AUTS2: variants seen among roughly 807,000 people sequenced by gnomAD.
The protein encoded by AUTS2 is autism susceptibility gene 2 protein.
AUTS2 carries 17 observed loss-of-function variants against 112.4 expected under a neutral mutation model. The ratio of observed to expected loss-of-function variants is 0.15; its 90% confidence interval spans 0.10 to 0.23. The LOEUF is 0.23. AUTS2 is among the 10% of genes least tolerant of loss of function. AUTS2 has a pLI of 1.00. For missense variants in AUTS2, 1,510 were observed against 1,701.6 expected (o/e 0.89, Z 1.98); for synonymous variants, 751 against 702.7 (o/e 1.07, Z -1.09).
At chr7:70,248,606 G>A (rs1235391107) in intron 4 of AUTS2, among the ~76,000 whole-genome samples, 1 of 151,902 alleles carries the variant, frequency 6.6e-6, no homozygotes, top group African/African-American at 2.4e-5. Flanking sequence ...AATTTATTTT[G>A]TGCATTCTAT....
intron 4 of AUTS2, among the ~76,000 whole-genome samples, chr7:70,379,586 G>A (rs773565810): frequency 3.3e-5 from 5 of 152,096 alleles, no homozygotes; most frequent in Middle Eastern, 3.2e-3. Flanking sequence ...CATTCTGTGT[G>A]TGTAGGTTCT....
intron 4 of AUTS2, among the ~76,000 whole-genome samples, chr7:70,425,390 G>A (rs1239653951): frequency 6.6e-6 from 1 of 152,206 alleles, no homozygotes; most frequent in Non-Finnish European, 1.5e-5. Context: ...CAGACTGGCT[G>A]TTCCTGCTGG....
intron 5 of AUTS2, among the ~76,000 whole-genome samples, chr7:70,560,475 G>A (rs919504907): frequency 1.3e-5 from 2 of 152,194 alleles, no homozygotes; most frequent in African/African-American, 2.4e-5. Flanking sequence ...TGGGCTGGAA[G>A]CAAATGTTGG....
chr7:70,095,409 A>G (rs906095247), intron 2 of AUTS2, among the ~76,000 whole-genome samples: 6 of 152,196 alleles, frequency 3.9e-5, no homozygotes, highest in African/African-American at 1.4e-4. Context: ...TTTTCTTCAC[A>G]TTCAGAATCA....
At chr7:69,799,069 A>G (rs925644772) in intron 1 of AUTS2, among the ~76,000 whole-genome samples, 7 of 152,116 alleles carry the variant, frequency 4.6e-5, no homozygotes, top group Admixed American at 4.6e-4. Context: ...ATATGTAAGT[A>G]TGGTATTTTT....
At chr7:70,444,664 G>C (rs947351511) in intron 5 of AUTS2, among the ~76,000 whole-genome samples, 1 of 152,116 alleles carries the variant, frequency 6.6e-6, no homozygotes, top group African/African-American at 2.4e-5. Flanking sequence ...TCCATGAGGA[G>C]CATGTTGAGA....
In AUTS2 at chr7:70,763,278, C is replaced by T. The variant is rs761651745; in HGVS notation, c.1151C>T (p.Ala384Val). ...NLPPVQAHPS[A>V]QSLSQPLSAY... ...CCACCTGTGCAGGCCCACCCCTCTGCTCAGAGCCTCTCCCAGCCATTGTCA... is the reference window on the plus strand; with the variant it reads ...CCACCTGTGCAGGCCCACCCCTCTGTTCAGAGCCTCTCCCAGCCATTGTCA... Residue 384 changes from alanine (A) to valine (V), a missense_variant, in exon 7 of 19, where the codon GCT becomes GTT. Physicochemically the swap from Ala to Val is moderately conservative, Grantham distance 64. This residue lies in a region of AUTS2 where 535 missense variants were observed against 594.3 expected (regional missense o/e 0.90). Transcript: ENST00000342771. 1 of 1,609,700 alleles carries T rather than the reference C, an allele frequency of 6.2e-7. No homozygotes were observed. The highest frequency in any genetic ancestry group is 1.1e-5 in the South Asian group (1 of 90,534).
intron 2 of AUTS2, among the ~76,000 whole-genome samples, chr7:69,982,376 T>A (rs1798330994): frequency 6.6e-6 from 1 of 152,150 alleles, no homozygotes; most frequent in Non-Finnish European, 1.5e-5. Flanking sequence ...TGGTGTAGAA[T>A]TTGTCTAAGA....
intron 4 of AUTS2, among the ~76,000 whole-genome samples, chr7:70,355,654 G>C (rs1004603766): frequency 1.3e-5 from 2 of 152,174 alleles, no homozygotes; most frequent in African/African-American, 4.8e-5. Context: ...CTGCCAGTGA[G>C]AGCAGAGTGT....
At chr7:69,829,331 G>T (rs879775287) in intron 1 of AUTS2, among the ~76,000 whole-genome samples, 9 of 152,056 alleles carry the variant, frequency 5.9e-5, no homozygotes, top group Non-Finnish European at 1.2e-4. Context: ...CATAGGCATG[G>T]GGCAAAGATT....
chr7:70,360,814 A>G (rs1016604386), intron 4 of AUTS2, among the ~76,000 whole-genome samples: 6 of 152,154 alleles, frequency 3.9e-5, no homozygotes, highest in African/African-American at 1.4e-4. Flanking sequence ...ACTCATTGTC[A>G]CATTCTACCC....
At chr7:70,394,002 C>T (rs1408800296) in intron 4 of AUTS2, among the ~76,000 whole-genome samples, 1 of 152,178 alleles carries the variant, frequency 6.6e-6, no homozygotes, top group Non-Finnish European at 1.5e-5. Flanking sequence ...GCTTCTACAG[C>T]TACCTCTTTT....
At chr7:70,788,902 G>T (rs1191142567) in intron 18 of AUTS2, among the ~76,000 whole-genome samples, 1 of 152,126 alleles carries the variant, frequency 6.6e-6, no homozygotes, top group Admixed American at 6.5e-5. Context: ...TTACCTTATT[G>T]TCATTCCATT....
intron 4 of AUTS2, among the ~76,000 whole-genome samples, chr7:70,387,840 G>A (rs796978456): frequency 1.3e-5 from 2 of 152,090 alleles, no homozygotes; most frequent in Admixed American, 6.6e-5. Flanking sequence ...CAGACCATTC[G>A]ATCTCTGCTC....
intron 1 of AUTS2, among the ~76,000 whole-genome samples, chr7:69,834,823 C>T (rs1791652621): frequency 6.6e-6 from 1 of 152,218 alleles, no homozygotes; most frequent in Admixed American, 6.5e-5. Flanking sequence ...GAGCTTGGGC[C>T]TGAAGCAGCC....
chr7:70,323,683 A>C (rs921266761), intron 4 of AUTS2, among the ~76,000 whole-genome samples: 1 of 152,204 alleles, frequency 6.6e-6, no homozygotes, highest in African/African-American at 2.4e-5. Context: ...CAACAAGGAA[A>C]ATCCTTTCAA....
chr7:70,179,950 CAGG>C (rs1278054294), intron 4 of AUTS2, among the ~76,000 whole-genome samples: 1 of 152,138 alleles, frequency 6.6e-6, no homozygotes, highest in Non-Finnish European at 1.5e-5. Context: ...GTAGTGGTCA[CAGG>C]AGCTCTAATG....
At chr7:70,598,986 G>T (rs1455561406) in intron 5 of AUTS2, among the ~76,000 whole-genome samples, 2 of 152,172 alleles carry the variant, frequency 1.3e-5, no homozygotes, top group African/African-American at 4.8e-5. Flanking sequence ...TAAAATGCAA[G>T]GTTTGTCTGA....
At chr7:69,848,149 A>C (rs1384909338) in intron 1 of AUTS2, among the ~76,000 whole-genome samples, 1 of 152,194 alleles carries the variant, frequency 6.6e-6, no homozygotes, top group Admixed American at 6.5e-5. Context: ...TCATAGGAAT[A>C]GGGACCTTCT....
Sources: allele counts gnomAD v4.1 joint callset (sites outside exome capture counted in the v4.1 genomes callset), GRCh38; gene constraint gnomAD v4.1.1; regional missense constraint gnomAD v4.1.1; transcripts MANE v1.5; gene names NCBI Gene and HGNC (gene_info 2026-07-23, HGNC 2026-07-21).